Variants in PTGES3 observed in about 807,000 individuals in gnomAD.
PTGES3 encodes the protein Hsp90 co-chaperone.
Under a neutral mutation model 29.9 loss-of-function variants are expected in PTGES3, and 5 were observed. That is an observed-to-expected ratio of 0.17 (90% CI 0.09 to 0.35). PTGES3 has a LOEUF of 0.35. Among genes scored for constraint, PTGES3 ranks in the 10% least tolerant of loss-of-function variants. PTGES3 has a pLI of 1.00. For synonymous variants in PTGES3, 49 were observed against 57.8 expected, an observed-to-expected ratio of 0.85 and a Z score of 0.69; for missense variants, 128 against 190.0, an observed-to-expected ratio of 0.67 and a Z score of 1.92.
intron 4 of PTGES3, among the ~76,000 whole-genome samples, chr12:56,671,417 A>C (rs1482410531): frequency 6.6e-6 from 1 of 152,146 alleles, no homozygotes; most frequent in African/African-American, 2.4e-5. Context: ...AAAAACACTG[A>C]AAATTGTTAA....
chr12:56,674,956 A>G (rs1333229469), intron 1 of PTGES3, among the ~76,000 whole-genome samples: 3 of 135,056 alleles, frequency 2.2e-5, no homozygotes, highest in Non-Finnish European at 3.1e-5. Flanking sequence ...GTGAGCCGAG[A>G]TCAGGCCATT....
At position 56,666,278 on chromosome 12, in the gene PTGES3, G is replaced by A. The variant is rs765092310; in HGVS notation, c.376-12C>T. ...ATGTTGTTCATCATCTATTTGAAGT[G>A]TAAAAATTAGTTTTAAAAATGATGT... On this transcript the variant is annotated splice_polypyrimidine_tract_variant and intron_variant, in intron 5 of 7. Coordinates refer to ENST00000262033, the MANE Select transcript of PTGES3 (RefSeq NM_006601.7). The A allele has an allele frequency of 1.9e-5, 30 of 1,598,682 alleles. No individual in the cohort carries two copies. In the East Asian group the frequency reaches 6.5e-4, roughly 35 times the overall value.
chr12:56,665,361 T>G (rs1042089957), intron 6 of PTGES3: 4 of 927,610 alleles, frequency 4.3e-6, no homozygotes, highest in Non-Finnish European at 5.1e-6. Context: ...AGTGGCGAGA[T>G]CCGGCTCACT....
chr12:56,687,395 TAGG>T, intron 1 of PTGES3: 3 of 987,444 alleles, frequency 3.0e-6, no homozygotes, highest in Non-Finnish European at 3.6e-6. Flanking sequence ...AGACTGGAGT[TAGG>T]AGGCGGACTG....
At chr12:56,665,242 G>GTAGTTT in intron 6 of PTGES3, 2 of 874,866 alleles carry the variant, frequency 2.3e-6, no homozygotes, top group South Asian at 5.2e-5. Flanking sequence ...GTTGAGAAAA[G>GTAGTTT]TAGTTTAGTG....
At chr12:56,676,103 G>A (rs1378319234) in intron 1 of PTGES3, among the ~76,000 whole-genome samples, 2 of 144,718 alleles carry the variant, frequency 1.4e-5, no homozygotes, top group Non-Finnish European at 1.5e-5. Context: ...GCGTATGCCT[G>A]TAATACCAGC....
intron 6 of PTGES3, chr12:56,665,671 T>TCG (rs1951758879): frequency 1.0e-6 from 1 of 976,506 alleles, no homozygotes; most frequent in African/African-American, 1.8e-5. Context: ...AGATGGAGCC[T>TCG]CGCTCTGCTG....
chr12:56,676,133 G>A (rs934620794), intron 1 of PTGES3, among the ~76,000 whole-genome samples: 2 of 141,012 alleles, frequency 1.4e-5, no homozygotes, highest in Non-Finnish European at 3.0e-5. Context: ...GGCTGGGAGG[G>A]GGAGGGGGAG....
chr12:56,670,597 C>T (rs927264235), intron 4 of PTGES3: 5 of 478,046 alleles, frequency 1.0e-5, no homozygotes, highest in African/African-American at 7.8e-5. Context: ...TGGTGGTCCC[C>T]GCTTCCTGGG....
intron 4 of PTGES3, 87 bp downstream of exon 4, chr12:56,671,662 A>G: frequency 1.3e-6 from 1 of 760,778 alleles, no homozygotes; most frequent in Non-Finnish European, 2.0e-6. Flanking sequence ...ACAAAAACAC[A>G]GCCATATTCC....
intron 1 of PTGES3, among the ~76,000 whole-genome samples, chr12:56,684,030 G>A (rs1177249910): frequency 6.6e-6 from 1 of 150,840 alleles, no homozygotes; most frequent in Non-Finnish European, 1.5e-5. Flanking sequence ...ACAGTAAATA[G>A]TAAAAAGTTC....
In PTGES3 at chr12:56,688,104, C is replaced by G; in HGVS notation, c.-105G>C. 1 of 1,427,790 alleles carries G rather than the reference C, an allele frequency of 7.0e-7. No individual in the cohort carries two copies. Among genetic ancestry groups the G allele is most frequent in the Non-Finnish European group, 9.2e-7 (1 of 1,091,760 alleles). The allele number at this position is 1,427,790 out of a possible 1,614,324, so 88.4% of individuals were successfully genotyped here. ...CCGGTGGCGACTCCGCTTTTTCTCT[C>G]CGGTCGCGGCCTCTTCTCGCTTCCC... On this transcript the variant is annotated 5_prime_UTR_variant, in exon 1 of 8. Transcript: ENST00000262033.
intron 1 of PTGES3, among the ~76,000 whole-genome samples, chr12:56,673,788 TCAAAA>T (rs762935292): frequency 0.069 from 3,283 of 47,850 alleles, 53 homozygotes; most frequent in Non-Finnish European, 0.09. Flanking sequence ...CGAGACTGTC[TCAAAA>T]AAAAAAAAAA....
chr12:56,684,420 A>C (rs1345053757), intron 1 of PTGES3, among the ~76,000 whole-genome samples: 1 of 152,228 alleles, frequency 6.6e-6, no homozygotes, highest in Non-Finnish European at 1.5e-5. Context: ...ACCCACCATC[A>C]GATACTCAAG....
intron 1 of PTGES3, among the ~76,000 whole-genome samples, chr12:56,680,807 C>A (rs1229445910): frequency 2.1e-5 from 3 of 145,194 alleles, no homozygotes; most frequent in Admixed American, 1.4e-4. Context: ...GAGACCAGTT[C>A]TTGCTTTGTC....
chr12:56,672,924 A>G (rs762398911), intron 2 of PTGES3, 28 bp downstream of exon 2: 1 of 1,576,862 alleles, frequency 6.3e-7, no homozygotes, highest in Admixed American at 1.9e-5. Context: ...TGACTATTTT[A>G]CATCATTGGA....
At chr12:56,665,415 C>T in intron 6 of PTGES3, 1 of 852,180 alleles carries the variant, frequency 1.2e-6, no homozygotes, top group African/African-American at 1.9e-5. Flanking sequence ...CTGCCTCAGC[C>T]TCCCAAGTAG....
At chr12:56,687,173 G>A in intron 1 of PTGES3, 2 of 1,034,408 alleles carry the variant, frequency 1.9e-6, no homozygotes, top group East Asian at 4.8e-5. Context: ...TAAGATCTTT[G>A]GGACGACTGT....
At chr12:56,664,867 A>G (rs1592235160) in intron 6 of PTGES3, 67 bp from the exon 7 acceptor site, 1 of 1,571,300 alleles carries the variant, frequency 6.4e-7, no homozygotes, top group Middle Eastern at 1.7e-4. Context: ...CAGTTTACCT[A>G]AAAAAGTTCA....
Sources: gnomAD v4.1 joint callset for allele counts (sites outside exome capture counted in the v4.1 genomes callset) on GRCh38, gnomAD v4.1.1 for gene constraint, MANE v1.5 for transcripts, NCBI Gene and HGNC (gene_info 2026-07-23, HGNC 2026-07-21) for gene names.